The following GML variants were observed in gnomAD, a reference collection of about 807,000 sequenced individuals.
The protein encoded by GML is glycosylphosphatidylinositol anchored molecule like.
In GML, 5 loss-of-function variants were observed where a neutral mutation model predicts 8.2. The observed-to-expected ratio is 0.61, with a 90% CI of 0.32 to 1.28. The LOEUF (loss-of-function observed/expected upper bound fraction) is 1.28. GML is among the 50% of genes most tolerant of loss of function. GML has a pLI of 0.06. For missense variants in GML, 191 were observed against 198.3 expected (o/e 0.96, Z 0.22); for synonymous variants, 72 against 69.0 (o/e 1.04, Z -0.22).
intron 1 of GML, 64 bp downstream of exon 1, chr8:142,834,932 G>GAGGCAGCCCAGC (rs60054735): frequency 1.3e-5 from 2 of 151,874 alleles, no homozygotes; most frequent in East Asian, 2.0e-4. Context: ...GGGCCCAGCT[G>GAGGCAGCCCAGC]AGGCAGCCTC....
At chr8:142,842,224 T>C (rs1816443945) in intron 3 of GML, among the ~76,000 whole-genome samples, 1 of 152,102 alleles carries the variant, frequency 6.6e-6, no homozygotes, top group South Asian at 2.1e-4. Flanking sequence ...CTGCTGTCAT[T>C]GTAAGTTTCC....
chr8:142,836,668 A>T (rs762885406), intron 1 of GML, among the ~76,000 whole-genome samples: 1 of 152,146 alleles, frequency 6.6e-6, no homozygotes, highest in African/African-American at 2.4e-5. Context: ...AGGTGGTTGT[A>T]TGTTACTACT....
At chr8:142,842,740 G>A (rs918828584) in intron 3 of GML, among the ~76,000 whole-genome samples, 31 of 152,308 alleles carry the variant, frequency 2.0e-4, no homozygotes, top group African/African-American at 7.5e-4. Flanking sequence ...TAGGTGATGG[G>A]TACTCCAGTG....
chr8:142,836,879 G>A (rs1197513417), intron 1 of GML, among the ~76,000 whole-genome samples: 6 of 152,160 alleles, frequency 3.9e-5, no homozygotes, highest in African/African-American at 9.7e-5. Context: ...GGCTTGTCTC[G>A]TGTTGAAGTC....
chr8:142,841,310 T>A (rs1586544542), intron 3 of GML, 85 bp downstream of exon 3: 2 of 759,284 alleles, frequency 2.6e-6, no homozygotes, highest in Non-Finnish European at 4.8e-6. Flanking sequence ...TCTGCTTTCT[T>A]CTCTGCACCC....
chr8:142,846,687 A>G lies in GML; in HGVS notation c.474A>G (p.Pro158=). The G allele has an allele frequency of 6.2e-7, 1 of 1,610,946 alleles. No individual in the cohort carries two copies. Among genetic ancestry groups the G allele is most frequent in the Non-Finnish European group, 8.5e-7 (1 of 1,177,310 alleles). ...CTATCATAGTCAGCAATATATTGCC[A>G]TGAGGACCCCACCTTGGAGGGTCTG... ...FASIIVSNIL[P] Residue 158 remains proline (P), a synonymous_variant, in exon 4 of 4, where the codon CCA becomes CCG. Transcript: ENST00000220940.
chr8:142,837,728 G>A (rs1361656180), intron 1 of GML, among the ~76,000 whole-genome samples: 2 of 145,424 alleles, frequency 1.4e-5, no homozygotes, highest in African/African-American at 2.6e-5. Context: ...CTGTTCCATC[G>A]GGGCCACTGG....
chr8:142,838,070 C>T lies in GML; in HGVS notation c.-22-2346C>T, dbSNP rs770030391. Among the ~76,000 whole-genome samples the T allele has an allele frequency of 6.3e-4, 91 of 144,978 alleles. 6 individuals are homozygous for T. The highest frequency in any genetic ancestry group is 1.1e-3 in the Non-Finnish European group (73 of 66,696). On this transcript the variant is annotated intron_variant, in intron 1 of 3. Coordinates refer to ENST00000220940, the MANE Select transcript of GML (RefSeq NM_002066.3). ...GACAAAGGGTACCCTGGGAAGGGCT[C>T]GCCCTCTTCGGAATTTCAGTTTACG...
At chr8:142,842,636 G>C (rs3819497) in intron 3 of GML, among the ~76,000 whole-genome samples, 1 of 152,024 alleles carries the variant, frequency 6.6e-6, no homozygotes, top group South Asian at 2.1e-4. Flanking sequence ...ACTCCAATCT[G>C]TCCTCCTTCA....
intron 1 of GML, among the ~76,000 whole-genome samples, chr8:142,839,922 C>G (rs779952236): frequency 6.6e-6 from 1 of 152,186 alleles, no homozygotes; most frequent in Non-Finnish European, 1.5e-5. Flanking sequence ...AGGATGCCTT[C>G]AAGTTGGGCT....
chr8:142,841,322 GCT>G (rs1242040614), intron 3 of GML, 97 bp downstream of exon 3: 3 of 724,304 alleles, frequency 4.1e-6, no homozygotes, highest in African/African-American at 3.5e-5. Context: ...TCTGCACCCA[GCT>G]CTGTTTCCCC....
chr8:142,844,602 TTAA>T (rs142173119), intron 3 of GML, among the ~76,000 whole-genome samples: 6,777 of 152,278 alleles, frequency 0.045, 221 homozygotes, highest in Middle Eastern at 0.068. Context: ...TTCCTATGAA[TTAA>T]TAAAAAACTG....
intron 3 of GML, among the ~76,000 whole-genome samples, chr8:142,843,252 T>TCACACACACACACACACA (rs1273449345): frequency 3.3e-5 from 1 of 30,054 alleles, no homozygotes; most frequent in East Asian, 2.2e-3. Flanking sequence ...AATAAAAGGT[T>TCACACACACACACACACA]CATACACACA....
chr8:142,836,183 G>A (rs1477641620), intron 1 of GML, among the ~76,000 whole-genome samples: 3 of 152,202 alleles, frequency 2.0e-5, no homozygotes, highest in Non-Finnish European at 2.9e-5. Context: ...AGAAGTACAC[G>A]TGGCCCAGAC....
chr8:142,842,649 T>G (rs1054167454), intron 3 of GML, among the ~76,000 whole-genome samples: 1 of 152,218 alleles, frequency 6.6e-6, no homozygotes, highest in Non-Finnish European at 1.5e-5. Context: ...CTCCTTCATG[T>G]CCACCCCATC....
intron 1 of GML, 55 bp from the exon 2 acceptor site, chr8:142,840,361 G>A: frequency 8.9e-7 from 1 of 1,124,456 alleles, no homozygotes; most frequent in Non-Finnish European, 1.4e-6. Context: ...GGGGCATAGA[G>A]CTGGCCAAGG....
chr8:142,839,065 G>C (rs954881381), intron 1 of GML, among the ~76,000 whole-genome samples: 13 of 152,204 alleles, frequency 8.5e-5, no homozygotes, highest in African/African-American at 2.9e-4. Context: ...CATGCTCTGG[G>C]TCAGTAGGTG....
intron 1 of GML, among the ~76,000 whole-genome samples, chr8:142,836,525 C>T (rs1816344535): frequency 6.6e-6 from 1 of 152,204 alleles, no homozygotes; most frequent in Admixed American, 6.5e-5. Context: ...CTAATGTCAA[C>T]ATTTGAGTGA....
intron 1 of GML, among the ~76,000 whole-genome samples, chr8:142,840,206 C>A (rs1816406962): frequency 6.6e-6 from 1 of 152,220 alleles, no homozygotes; most frequent in Non-Finnish European, 1.5e-5. Flanking sequence ...GCGAGTTTGT[C>A]TGAGGTGAGG....
Sources: allele counts gnomAD v4.1 joint callset (sites outside exome capture counted in the v4.1 genomes callset), GRCh38; gene constraint gnomAD v4.1.1; transcripts MANE v1.5; gene names NCBI Gene and HGNC (gene_info 2026-07-23, HGNC 2026-07-21).